Variants in CAMKMT observed in about 807,000 individuals in gnomAD.
The protein encoded by CAMKMT is CaM KMT.
In CAMKMT, 53 loss-of-function variants were observed where a neutral mutation model predicts 48.0. The observed-to-expected ratio is 1.10, with a 90% CI of 0.89 to 1.39. The LOEUF is 1.39. CAMKMT is among the 40% of genes most tolerant of loss of function. The pLI, the probability that CAMKMT is intolerant of heterozygous loss-of-function variation, is 0.00. For synonymous variants in CAMKMT, 165 were observed against 152.3 expected, an observed-to-expected ratio of 1.08 and a Z score of -0.61; for missense variants, 428 against 402.7, an observed-to-expected ratio of 1.06 and a Z score of -0.54.
intron 3 of CAMKMT, among the ~76,000 whole-genome samples, chr2:44,619,114 C>A (rs944227666): frequency 3.9e-5 from 6 of 152,168 alleles, no homozygotes; most frequent in African/African-American, 1.4e-4. Context: ...AGTACTAATA[C>A]ACGTAAGATT....
At chr2:44,560,595 C>T (rs1668270922) in intron 3 of CAMKMT, among the ~76,000 whole-genome samples, 1 of 152,164 alleles carries the variant, frequency 6.6e-6, no homozygotes, top group Admixed American at 6.5e-5. Flanking sequence ...TAATGATAGA[C>T]TGATTGACCA....
At chr2:44,435,021 A>C (rs1365079101) in intron 3 of CAMKMT, among the ~76,000 whole-genome samples, 1 of 152,180 alleles carries the variant, frequency 6.6e-6, no homozygotes, top group African/African-American at 2.4e-5. Context: ...AAATATGAGC[A>C]TCGTTAGGTT....
intron 3 of CAMKMT, among the ~76,000 whole-genome samples, chr2:44,593,222 T>C (rs1670419534): frequency 6.6e-6 from 1 of 152,200 alleles, no homozygotes; most frequent in South Asian, 2.1e-4. Context: ...TTAAGAAGTT[T>C]TTCTTGTCAG....
intron 7 of CAMKMT, among the ~76,000 whole-genome samples, chr2:44,721,549 G>T (rs1678460659): frequency 6.6e-6 from 1 of 152,042 alleles, no homozygotes; most frequent in South Asian, 2.1e-4. Context: ...CAACTTTATT[G>T]AGATATAATT....
intron 3 of CAMKMT, among the ~76,000 whole-genome samples, chr2:44,564,263 C>T (rs1189527782): frequency 6.6e-6 from 1 of 151,438 alleles, no homozygotes; most frequent in Non-Finnish European, 1.5e-5. Context: ...GTAACCTCCG[C>T]CTTCCGGGTT....
rs542206384 is a variant in CAMKMT at position 44,584,054 on chromosome 2, C to G, written c.377-120229C>G. ...CTTTGTGCTCTTTCCTTGAGTACAACTCATCATTTTCCCCAGGCTCCTGGA... is the reference window on the plus strand; with the variant it reads ...CTTTGTGCTCTTTCCTTGAGTACAAGTCATCATTTTCCCCAGGCTCCTGGA... On this transcript the variant is annotated intron_variant, in intron 3 of 10. Coordinates refer to ENST00000378494, the MANE Select transcript of CAMKMT (RefSeq NM_024766.5). Among the ~76,000 whole-genome samples the G allele has an allele frequency of 2.0e-4, 31 of 152,278 alleles. No individual in the cohort carries two copies. In the East Asian group the frequency reaches 4.8e-3, roughly 24 times the overall value.
chr2:44,655,453 G>C (rs1674325716), intron 3 of CAMKMT, among the ~76,000 whole-genome samples: 1 of 152,174 alleles, frequency 6.6e-6, no homozygotes, highest in African/African-American at 2.4e-5. Context: ...ATTGGACCAT[G>C]AACTAATCTC....
chr2:44,578,916 T>C (rs1373880081), intron 3 of CAMKMT, among the ~76,000 whole-genome samples: 2 of 152,172 alleles, frequency 1.3e-5, no homozygotes, highest in Non-Finnish European at 2.9e-5. Context: ...TTAGCACTGA[T>C]TAAAAGTGAA....
chr2:44,749,175 C>A (rs1213837640), intron 8 of CAMKMT, among the ~76,000 whole-genome samples: 1 of 152,150 alleles, frequency 6.6e-6, no homozygotes, highest in Non-Finnish European at 1.5e-5. Flanking sequence ...CATAGAAGAA[C>A]CTTCCATGGA....
intron 3 of CAMKMT, among the ~76,000 whole-genome samples, chr2:44,662,238 C>G (rs563873989): frequency 6.6e-6 from 1 of 152,332 alleles, no homozygotes; most frequent in South Asian, 2.1e-4. Context: ...CTTGTTCTCT[C>G]TCCTGTTGTC....
chr2:44,474,441 C>T (rs370006485), intron 3 of CAMKMT, among the ~76,000 whole-genome samples: 3 of 133,926 alleles, frequency 2.2e-5, no homozygotes, highest in African/African-American at 2.8e-5. Flanking sequence ...AGCGAGACTC[C>T]GTCTCAAAAA....
rs569114722 is a variant in CAMKMT at position 44,574,207 on chromosome 2, C to A, written c.377-130076C>A. ...TATTATACAATGCCACTCAGAGCCA[C>A]ATGGGGAAGACCAAGATTGGGCAAG... On this transcript the variant is annotated intron_variant, in intron 3 of 10. Coordinates refer to ENST00000378494, the MANE Select transcript of CAMKMT (RefSeq NM_024766.5). Among the ~76,000 whole-genome samples, 6 of 152,264 alleles carry A rather than the reference C, an allele frequency of 3.9e-5. No individual in the cohort carries two copies. The East Asian group carries it at 1.2e-3, about 29-fold the overall frequency.
In CAMKMT at chr2:44,772,464, ATT is replaced by A. The variant is rs199836049; in HGVS notation, c.*366_*367del. 4.0e-3 allele frequency: 490 copies of A among 122,652 alleles called. No homozygotes were observed. Among genetic ancestry groups the A allele is most frequent in the Middle Eastern group, 0.016 (4 of 244 alleles). 7.6% of individuals were successfully genotyped at this position (122,652 alleles called of 1,614,324 possible). A position where few individuals can be genotyped will look rare whatever the true frequency, so the allele number is the denominator to read the frequency against. On this transcript the variant is annotated 3_prime_UTR_variant, in exon 11 of 11. Coordinates refer to ENST00000378494, the MANE Select transcript of CAMKMT (RefSeq NM_024766.5). Reference sequence around the variant, plus strand: ...TTTTGATGATACCCATCCCTCCTTCATTTTTTTTTTTTTTTTGGTCTTTGTTC... The same window carrying A: ...TTTTGATGATACCCATCCCTCCTTCATTTTTTTTTTTTTTGGTCTTTGTTC...
chr2:44,588,002 T>C (rs1014286794), intron 3 of CAMKMT, among the ~76,000 whole-genome samples: 3 of 138,952 alleles, frequency 2.2e-5, no homozygotes, highest in Admixed American at 7.3e-5. Context: ...GGAGCGTCTC[T>C]GCCCGGCCGC....
chr2:44,367,846 G>A (rs1227574945), intron 1 of CAMKMT, among the ~76,000 whole-genome samples: 1 of 152,208 alleles, frequency 6.6e-6, no homozygotes, highest in Non-Finnish European at 1.5e-5. Context: ...TGTTGATGAT[G>A]TAATCAGGGC....
At chr2:44,388,431 C>T (rs1680985503) in intron 2 of CAMKMT, among the ~76,000 whole-genome samples, 1 of 152,046 alleles carries the variant, frequency 6.6e-6, no homozygotes, top group Admixed American at 6.6e-5. Context: ...TTTGGATTTG[C>T]TTGCATTGGG....
intron 3 of CAMKMT, among the ~76,000 whole-genome samples, chr2:44,665,983 C>T (rs1005051731): frequency 2.0e-5 from 3 of 152,154 alleles, no homozygotes; most frequent in Admixed American, 2.0e-4. Context: ...TTAAAGCGGA[C>T]TAGGAAAAAC....
intron 6 of CAMKMT, among the ~76,000 whole-genome samples, chr2:44,712,184 G>C (rs921662719): frequency 1.3e-5 from 2 of 151,638 alleles, no homozygotes; most frequent in Non-Finnish European, 2.9e-5. Context: ...AAACTTGAGA[G>C]ATCAAAATGA....
At chr2:44,412,211 CA>C (rs1388804608) in intron 3 of CAMKMT, among the ~76,000 whole-genome samples, 1 of 152,134 alleles carries the variant, frequency 6.6e-6, no homozygotes. Flanking sequence ...TTATTCTGTA[CA>C]CCCCCTGCGA....
Sources: allele counts gnomAD v4.1 joint callset (sites outside exome capture counted in the v4.1 genomes callset), GRCh38; gene constraint gnomAD v4.1.1; transcripts MANE v1.5; gene names NCBI Gene and HGNC (gene_info 2026-07-23, HGNC 2026-07-21).